The following HPSE2 variants were observed in gnomAD, a reference collection of about 807,000 sequenced individuals.
The protein encoded by HPSE2 is heparanase 2 (inactive).
Under a neutral mutation model 60.5 loss-of-function variants are expected in HPSE2, and 38 were observed. The ratio of observed to expected loss-of-function variants is 0.63; its 90% CI spans 0.48 to 0.82. HPSE2 has a LOEUF of 0.82. HPSE2 is among the 40% of genes least tolerant of loss of function. HPSE2 has a pLI of 0.00. For synonymous variants in HPSE2, 295 were observed against 293.2 expected (o/e 1.01, Z -0.06); for missense variants, 713 against 740.4 (o/e 0.96, Z 0.43).
At chr10:98,987,048 G>A (rs968418731) in intron 3 of HPSE2, among the ~76,000 whole-genome samples, 4 of 151,928 alleles carry the variant, frequency 2.6e-5, no homozygotes, top group Admixed American at 6.6e-5. Context: ...ATTCACAGCC[G>A]AATTCTACCA....
chr10:98,968,621 T>C (rs1031303280), intron 3 of HPSE2, among the ~76,000 whole-genome samples: 1 of 152,076 alleles, frequency 6.6e-6, no homozygotes, highest in Non-Finnish European at 1.5e-5. Context: ...AATGAGTAGA[T>C]AAAGAAAATG....
At chr10:98,657,285 T>G (rs1947096847) in intron 6 of HPSE2, among the ~76,000 whole-genome samples, 1 of 151,692 alleles carries the variant, frequency 6.6e-6, no homozygotes, top group South Asian at 2.1e-4. Flanking sequence ...TGCAAAGACC[T>G]TCAGTTTCGT....
intron 3 of HPSE2, among the ~76,000 whole-genome samples, chr10:98,970,286 G>C (rs1349063576): frequency 6.6e-6 from 1 of 151,998 alleles, no homozygotes; most frequent in Non-Finnish European, 1.5e-5. Flanking sequence ...TAAAAACATA[G>C]ATCACATGTA....
intron 11 of HPSE2, 125 bp downstream of exon 11, chr10:98,482,511 C>A: frequency 8.4e-7 from 1 of 1,196,238 alleles, no homozygotes; most frequent in Non-Finnish European, 1.2e-6. Flanking sequence ...CCCCAGACCG[C>A]TCTTTGTCCT....
At chr10:98,977,536 G>A (rs897583933) in intron 3 of HPSE2, among the ~76,000 whole-genome samples, 3 of 152,132 alleles carry the variant, frequency 2.0e-5, no homozygotes, top group African/African-American at 7.2e-5. Context: ...GGGAAAATGG[G>A]ATTCATTGTA....
At chr10:99,287,574 T>C in the HPSE2 span, among the ~76,000 whole-genome samples, 1 of 152,162 alleles carries the variant, frequency 6.6e-6, no homozygotes, top group African/African-American at 2.4e-5. Flanking sequence ...GGTGTGAACA[T>C]CTGGAGTCAT....
chr10:99,280,330 C>T, the HPSE2 span, among the ~76,000 whole-genome samples: 1 of 152,106 alleles, frequency 6.6e-6, no homozygotes, highest in Non-Finnish European at 1.5e-5. Flanking sequence ...AGAGGTCTGG[C>T]CAGACCATGA....
intron 3 of HPSE2, among the ~76,000 whole-genome samples, chr10:98,814,647 C>T (rs1331371757): frequency 6.6e-6 from 1 of 152,172 alleles, no homozygotes; most frequent in African/African-American, 2.4e-5. Flanking sequence ...AGGGCAGATA[C>T]ATCAAACTGC....
the HPSE2 span, among the ~76,000 whole-genome samples, chr10:99,308,184 T>C: frequency 6.6e-6 from 1 of 151,424 alleles, no homozygotes; most frequent in Admixed American, 6.6e-5. Flanking sequence ...GATCAGGAGT[T>C]CAAGATTAGC....
chr10:99,189,469 A>G (rs1004194511), intron 2 of HPSE2, among the ~76,000 whole-genome samples: 2 of 152,188 alleles, frequency 1.3e-5, no homozygotes, highest in Non-Finnish European at 1.5e-5. Flanking sequence ...GAGGGCCTCA[A>G]TAAAAAGCAT....
chr10:98,574,412 T>C (rs1944585825), intron 9 of HPSE2, among the ~76,000 whole-genome samples: 2 of 152,120 alleles, frequency 1.3e-5, no homozygotes, highest in African/African-American at 2.4e-5. Flanking sequence ...TTCCTATTAA[T>C]TTTTTTCAAG....
At chr10:99,082,451 C>T (rs1843178293) in intron 3 of HPSE2, among the ~76,000 whole-genome samples, 1 of 152,160 alleles carries the variant, frequency 6.6e-6, no homozygotes, top group African/African-American at 2.4e-5. Flanking sequence ...GAACGTTGGA[C>T]AATCTGTCTG....
intron 10 of HPSE2, among the ~76,000 whole-genome samples, chr10:98,486,369 A>C (rs1034149806): frequency 2.0e-5 from 3 of 152,112 alleles, no homozygotes; most frequent in African/African-American, 7.2e-5. Context: ...ATCTTAGTGA[A>C]TGTTCCTTTC....
At chr10:99,122,110 A>T (rs1844977181) in intron 3 of HPSE2, among the ~76,000 whole-genome samples, 1 of 152,112 alleles carries the variant, frequency 6.6e-6, no homozygotes, top group Non-Finnish European at 1.5e-5. Flanking sequence ...GTGTGCGAGA[A>T]TGCATAGAGA....
intron 3 of HPSE2, among the ~76,000 whole-genome samples, chr10:99,088,663 A>G (rs1843409676): frequency 6.6e-6 from 1 of 152,202 alleles, no homozygotes; most frequent in South Asian, 2.1e-4. Flanking sequence ...TGCTATAAAC[A>G]TGCATGTGCA....
chr10:98,719,771 C>T (rs570856333), intron 5 of HPSE2, among the ~76,000 whole-genome samples: 1 of 150,300 alleles, frequency 6.7e-6, no homozygotes, highest in South Asian at 2.1e-4. Flanking sequence ...GAGGCCGAGA[C>T]GGGTGGATTA....
chr10:98,523,529 C>T (rs989544772), intron 9 of HPSE2, among the ~76,000 whole-genome samples: 2 of 151,988 alleles, frequency 1.3e-5, no homozygotes, highest in Admixed American at 1.3e-4. Flanking sequence ...TTATTGAATC[C>T]CAAATAAAGA....
chr10:98,849,936 G>A (rs1952128894), intron 3 of HPSE2, among the ~76,000 whole-genome samples: 1 of 152,094 alleles, frequency 6.6e-6, no homozygotes, highest in African/African-American at 2.4e-5. Flanking sequence ...TAGAGACGGG[G>A]TTTCTCCACG....
chr10:99,174,139 C>T (rs1847432755), intron 2 of HPSE2, among the ~76,000 whole-genome samples: 1 of 152,116 alleles, frequency 6.6e-6, no homozygotes, highest in Non-Finnish European at 1.5e-5. Context: ...ACATTTTATT[C>T]CCTTTATTTT....
Sources: allele counts gnomAD v4.1 joint callset (sites outside exome capture counted in the v4.1 genomes callset), GRCh38; gene constraint gnomAD v4.1.1; transcripts MANE v1.5; gene names NCBI Gene and HGNC (gene_info 2026-07-23, HGNC 2026-07-21).